Variants in LRCH3 observed in about 807,000 individuals in gnomAD.
The protein encoded by LRCH3 is leucine rich repeats and calponin homology domain containing 3.
Under a neutral mutation model 104.5 loss-of-function variants are expected in LRCH3, and 68 were observed. The observed-to-expected ratio is 0.65, with a 90% CI of 0.54 to 0.80. LRCH3 has a LOEUF of 0.80. LRCH3 is among the 30% of genes least tolerant of loss of function. LRCH3 has a pLI of 0.00. For synonymous variants in LRCH3, 344 were observed against 361.3 expected (o/e 0.95, Z 0.54); for missense variants, 951 against 953.9 (o/e 1.00, Z 0.04).
intron 10 of LRCH3, among the ~76,000 whole-genome samples, chr3:197,845,520 T>C (rs908533786): frequency 6.6e-6 from 1 of 152,174 alleles, no homozygotes; most frequent in Non-Finnish European, 1.5e-5. Flanking sequence ...TCCATGCTTT[T>C]TCGGGGGAGG....
At chr3:197,847,807 T>C (rs74483023) in intron 11 of LRCH3, 65 bp from the exon 12 acceptor site, 3 of 1,545,498 alleles carry the variant, frequency 1.9e-6, no homozygotes, top group African/African-American at 2.7e-5. Flanking sequence ...CCTAAATTGA[T>C]AGGGAATATT....
intron 12 of LRCH3, chr3:197,850,984 G>A: frequency 1.2e-5 from 9 of 778,338 alleles, no homozygotes; most frequent in Non-Finnish European, 2.2e-5. Flanking sequence ...GCTGCTTAGG[G>A]AAAGAGCCCA....
chr3:197,848,993 G>T (rs1739175549), intron 12 of LRCH3, among the ~76,000 whole-genome samples: 1 of 152,152 alleles, frequency 6.6e-6, no homozygotes, highest in African/African-American at 2.4e-5. Context: ...GCCGGGTGTG[G>T]TGGCTCACGC....
At chr3:197,846,368 C>A in intron 10 of LRCH3, among the ~76,000 whole-genome samples, 1 of 140,884 alleles carries the variant, frequency 7.1e-6, no homozygotes, top group African/African-American at 2.7e-5. Context: ...CACGGCATTG[C>A]ACTCCACCTT....
At chr3:197,829,476 A>T in intron 5 of LRCH3, 88 bp from the exon 6 acceptor site, 1 of 734,276 alleles carries the variant, frequency 1.4e-6, no homozygotes, top group Middle Eastern at 2.6e-4. Context: ...CCCTTTCCCA[A>T]TGTATGTTAC....
intron 15 of LRCH3, among the ~76,000 whole-genome samples, chr3:197,864,624 CAAAA>C (rs1032604534): frequency 3.0e-5 from 4 of 133,420 alleles, no homozygotes; most frequent in South Asian, 2.2e-4. Flanking sequence ...AAAAAAAAAA[CAAAA>C]AACAAAAAAA....
At chr3:197,844,153 C>T (rs568016431) in intron 10 of LRCH3, among the ~76,000 whole-genome samples, 1 of 152,272 alleles carries the variant, frequency 6.6e-6, no homozygotes, top group South Asian at 2.1e-4. Context: ...ATTCAAGAAA[C>T]ACCCAGGAGT....
chr3:197,882,455 G>GT, intron 20 of LRCH3: 2 of 947,288 alleles, frequency 2.1e-6, no homozygotes, highest in Non-Finnish European at 2.5e-6. Flanking sequence ...AAAAATACTT[G>GT]TTATATATTT....
intron 14 of LRCH3, among the ~76,000 whole-genome samples, chr3:197,855,618 G>A (rs541696274): frequency 1.3e-5 from 2 of 152,096 alleles, no homozygotes; most frequent in African/African-American, 2.4e-5. Flanking sequence ...ACTGAAAACC[G>A]TTTAGGAAAC....
chr3:197,797,874 CAAAAAA>C (rs1001772234), intron 1 of LRCH3, among the ~76,000 whole-genome samples: 4 of 15,778 alleles, frequency 2.5e-4, no homozygotes, highest in African/African-American at 3.4e-4. Context: ...AAAAAAAAAA[CAAAAAA>C]AACAAAAAAA....
At chr3:197,862,211 G>T (rs1740965853) in intron 15 of LRCH3, among the ~76,000 whole-genome samples, 1 of 152,182 alleles carries the variant, frequency 6.6e-6, no homozygotes, top group African/African-American at 2.4e-5. Flanking sequence ...GGCCAGGCTG[G>T]TTTCAAACTC....
intron 8 of LRCH3, 128 bp from the exon 9 acceptor site, chr3:197,835,546 T>A: frequency 1.5e-4 from 110 of 728,698 alleles, no homozygotes; most frequent in Non-Finnish European, 1.8e-4. Context: ...GTTTTTATCA[T>A]CCCTCCCACT....
In LRCH3 at chr3:197,791,509, C is replaced by G; in HGVS notation, c.231C>G (p.Ala77=). 6.3e-7 allele frequency: 1 copy of G among 1,597,910 alleles called. No individual in the cohort carries two copies. Among genetic ancestry groups the G allele is most frequent in the Non-Finnish European group, 8.5e-7 (1 of 1,174,226 alleles). ...RKLREFPRGA[A]NHDLTDTTRA... ...TGAGGGAGTTTCCCCGGGGAGCGGC[C>G]AACCACGACCTGACGGACACCACCC... Residue 77 remains alanine, a synonymous_variant, in exon 1 of 21, where the codon GCC becomes GCG. Transcript: ENST00000425562.
intron 4 of LRCH3, among the ~76,000 whole-genome samples, chr3:197,825,438 T>C (rs1399142261): frequency 6.7e-6 from 1 of 149,190 alleles, no homozygotes; most frequent in Non-Finnish European, 1.5e-5. Flanking sequence ...TTGGATGTTA[T>C]TAGACCTCTT....
chr3:197,839,613 A>T (rs949053805), intron 10 of LRCH3, among the ~76,000 whole-genome samples: 2 of 152,216 alleles, frequency 1.3e-5, no homozygotes, highest in Admixed American at 6.5e-5. Flanking sequence ...TACACAGTTA[A>T]TCGATCTGAA....
intron 15 of LRCH3, among the ~76,000 whole-genome samples, chr3:197,862,398 C>G (rs1432936540): frequency 6.6e-6 from 1 of 151,550 alleles, no homozygotes; most frequent in East Asian, 1.9e-4. Flanking sequence ...TCCTTTTATT[C>G]CTTAATACTT....
In LRCH3 at chr3:197,855,778, C is replaced by G. The variant is rs547568056; in HGVS notation, c.1644+1333C>G. Among the ~76,000 whole-genome samples the G allele has an allele frequency of 6.6e-5, 10 of 152,322 alleles. No individual in the cohort carries two copies. In the South Asian group the frequency reaches 2.1e-3, roughly 32 times the overall value. Reference sequence around the variant, plus strand: ...CCCTTCGGCCGTTTGTCAAAACACACTCACTTAAGTCTTAGTTCTCAGTAT... The same window carrying G: ...CCCTTCGGCCGTTTGTCAAAACACAGTCACTTAAGTCTTAGTTCTCAGTAT... On this transcript the variant is annotated intron_variant, in intron 14 of 20. Transcript: ENST00000425562.
intron 12 of LRCH3, chr3:197,850,621 G>A (rs1739458623): frequency 6.3e-7 from 1 of 1,577,434 alleles, no homozygotes; most frequent in African/African-American, 1.3e-5. Flanking sequence ...TCAATGACCA[G>A]AGAATCTACA....
chr3:197,873,109 A>G (rs1712426967), intron 19 of LRCH3, among the ~76,000 whole-genome samples: 1 of 152,144 alleles, frequency 6.6e-6, no homozygotes, highest in Admixed American at 6.5e-5. Context: ...TCAGGATGGC[A>G]GTCCACAAAA....
Sources: allele counts gnomAD v4.1 joint callset (sites outside exome capture counted in the v4.1 genomes callset), GRCh38; gene constraint gnomAD v4.1.1; transcripts MANE v1.5; gene names NCBI Gene and HGNC (gene_info 2026-07-23, HGNC 2026-07-21).